PASK: variants seen among roughly 807,000 people sequenced by gnomAD.
PASK encodes the protein PAS domain-containing serine/threonine-protein kinase.
A neutral mutation model predicts 121.0 loss-of-function variants in PASK; 110 were observed. The observed-to-expected ratio is 0.91, with a 90% CI of 0.78 to 1.06. PASK has a LOEUF of 1.06. Ranked by LOEUF, PASK falls within the 50% of genes least tolerant of loss-of-function variation. PASK has a pLI of 0.00. For synonymous variants in PASK, 686 were observed against 717.8 expected, an observed-to-expected ratio of 0.96 and a Z score of 0.71; for missense variants, 1,643 against 1,702.3, an observed-to-expected ratio of 0.97 and a Z score of 0.61.
At chr2:241,138,180 C>A in intron 5 of PASK, 93 bp from the exon 6 acceptor site, 2 of 1,336,830 alleles carry the variant, frequency 1.5e-6, no homozygotes, top group Non-Finnish European at 2.1e-6. Flanking sequence ...AAAAGCAAGA[C>A]CCCAACATGA....
chr2:241,112,556 G>T lies in PASK; in HGVS notation c.3334-117C>A. Reference sequence around the variant, plus strand: ...AAAAAATAAACCTCCGACTCATAATGAACTGGGGACAGGAAAGATTTTTCA... The same window carrying T: ...AAAAAATAAACCTCCGACTCATAATTAACTGGGGACAGGAAAGATTTTTCA... On this transcript the variant is annotated intron_variant, in intron 14 of 17. Coordinates refer to ENST00000234040, the MANE Select transcript of PASK (RefSeq NM_015148.4). This position sits in a 1 kb window ranked among gnomAD's most constrained non-coding sequence, Gnocchi z 5.2. The T allele has an allele frequency of 1.5e-6, 1 of 671,772 alleles. No individual in the cohort carries two copies. 41.6% of individuals were successfully genotyped at this position (671,772 alleles called of 1,614,324 possible).
upstream of PASK, chr2:241,149,797 G>A (rs2067198893): frequency 3.3e-6 from 5 of 1,534,354 alleles, no homozygotes; most frequent in Middle Eastern, 2.2e-4. Context: ...TGGCTCCGCA[G>A]GGTAGACGAA....
upstream of PASK, chr2:241,150,210 G>A: frequency 1.6e-6 from 2 of 1,276,430 alleles, no homozygotes; most frequent in African/African-American, 1.5e-5. Flanking sequence ...TCTGCCTGCA[G>A]CTACGGCTCT....
intron 15 of PASK, among the ~76,000 whole-genome samples, chr2:241,110,151 C>A (rs1252862834): frequency 6.6e-6 from 1 of 152,248 alleles, no homozygotes; most frequent in Admixed American, 6.5e-5. Flanking sequence ...GCACAGGCCA[C>A]AACATGGATG....
chr2:241,107,585 C>T lies in PASK; in HGVS notation c.3668-86G>A, dbSNP rs565897518. 1.9e-3 allele frequency: 2,501 copies of T among 1,315,754 alleles called. 8 individuals are homozygous for T. Among genetic ancestry groups the T allele is most frequent in the Non-Finnish European group, 2.4e-3 (2,156 of 915,494 alleles). 81.5% of individuals were successfully genotyped at this position (1,315,754 alleles called of 1,614,324 possible). A position where few individuals can be genotyped will look rare whatever the true frequency, so the allele number is the denominator to read the frequency against. ...GATTCCTGGGTGCTCACCACCCCCC[C>T]GCAGAGCCTCTGACTGGGCAGGTGG... On this transcript the variant is annotated intron_variant, in intron 16 of 17. Coordinates refer to ENST00000234040, the MANE Select transcript of PASK (RefSeq NM_015148.4).
chr2:241,147,743 A>T (rs1475340976), intron 1 of PASK, among the ~76,000 whole-genome samples: 1 of 140,354 alleles, frequency 7.1e-6, no homozygotes, highest in Non-Finnish European at 1.7e-5. Flanking sequence ...AGGGAGGGTA[A>T]GGGCATGCAA....
Position 241,135,881 on chromosome 2 carries a change from C to G in PASK, c.1296G>C (p.Glu432Asp). Reference sequence around the variant, plus strand: ...AAGAGGACGTCTTACCCTGGCCCCCCTCAGCTGGGTCCTGGCCCTGCCACG... The same window carrying G: ...AAGAGGACGTCTTACCCTGGCCCCCGTCAGCTGGGTCCTGGCCCTGCCACG... Reference protein sequence around the residue: ...LDPWQGQDPAEGGQDPRINVV... With the variant: ...LDPWQGQDPADGGQDPRINVV... The change falls in exon 8 of 18, where the codon GAG becomes GAC. Residue 432 changes from glutamate (E) to aspartate (D), a missense_variant. Transcript: ENST00000234040. The G allele has an allele frequency of 6.2e-7, 1 of 1,614,118 alleles. No individual in the cohort carries two copies. Among genetic ancestry groups the G allele is most frequent in the Non-Finnish European group, 8.5e-7 (1 of 1,179,966 alleles).
intron 10 of PASK, among the ~76,000 whole-genome samples, chr2:241,125,286 A>C (rs1259498728): frequency 2.7e-5 from 4 of 146,200 alleles, no homozygotes; most frequent in African/African-American, 5.1e-5. Flanking sequence ...GGGTGGACAG[A>C]GTAAGACTCT....
At chr2:241,138,238 A>C (rs370604211) in intron 5 of PASK, 151 bp from the exon 6 acceptor site, 3 of 796,394 alleles carry the variant, frequency 3.8e-6, no homozygotes, top group Non-Finnish European at 6.2e-6. Context: ...ATTTGATAAG[A>C]GCTTCATCAT....
chr2:241,141,846 C>T (rs2066710156), intron 2 of PASK, among the ~76,000 whole-genome samples: 2 of 152,108 alleles, frequency 1.3e-5, no homozygotes, highest in East Asian at 3.9e-4. Context: ...GGCTGGAAAC[C>T]ACGTGGCCAT....
intron 10 of PASK, among the ~76,000 whole-genome samples, chr2:241,124,576 C>T (rs1056143699): frequency 3.3e-5 from 5 of 152,232 alleles, no homozygotes; most frequent in South Asian, 2.1e-4. Context: ...TACACATGTA[C>T]CTACTCTACT....
intron 1 of PASK, 107 bp from the exon 2 acceptor site, chr2:241,143,181 A>G (rs2066792152): frequency 1.4e-6 from 1 of 698,100 alleles, no homozygotes; most frequent in South Asian, 1.6e-5. Flanking sequence ...AAAGACATAC[A>G]CCACCAACCG....
At chr2:241,114,952 A>G (rs772844985) in intron 14 of PASK, 91 bp downstream of exon 14, 2 of 1,604,264 alleles carry the variant, frequency 1.2e-6, no homozygotes, top group African/African-American at 2.7e-5. Context: ...GCTCAGAGAG[A>G]GAACCGAGTA....
intron 12 of PASK, among the ~76,000 whole-genome samples, chr2:241,120,492 C>CAAAAAAAAA (rs568145375): frequency 0.018 from 2,523 of 139,890 alleles, 107 homozygotes; most frequent in Non-Finnish European, 0.029. Context: ...GACTCTGTCT[C>CAAAAAAAAA]AAAAGAAAAA....
chr2:241,132,547 AAAAAAAAG>A (rs2066210650), intron 9 of PASK, among the ~76,000 whole-genome samples: 2 of 150,898 alleles, frequency 1.3e-5, no homozygotes, highest in Admixed American at 1.3e-4. Flanking sequence ...AAAAAAAAAA[AAAAAAAAG>A]AAAATGATAA....
intron 1 of PASK, among the ~76,000 whole-genome samples, chr2:241,147,535 C>T (rs1448718404): frequency 1.3e-5 from 2 of 152,082 alleles, no homozygotes; most frequent in African/African-American, 4.8e-5. Context: ...GTGGGAGAAT[C>T]GCTTCAGCCC....
At chr2:241,149,998 C>T, upstream of PASK, 3 of 1,410,214 alleles carry the variant, frequency 2.1e-6, no homozygotes, top group South Asian at 1.5e-5. Context: ...AATGTTGTTG[C>T]TCTTGCCGTT....
At chr2:241,142,752 G>A (rs1399536543) in intron 2 of PASK, 85 bp downstream of exon 2, 3 of 1,058,098 alleles carry the variant, frequency 2.8e-6, no homozygotes, top group Non-Finnish European at 4.3e-6. Flanking sequence ...TTCAATCCCT[G>A]GTGAGAGGGT....
intron 2 of PASK, 33 bp from the exon 3 acceptor site, chr2:241,140,786 TC>T (rs1437383280): frequency 7.0e-7 from 1 of 1,431,350 alleles, no homozygotes; most frequent in African/African-American, 1.4e-5. Flanking sequence ...GCTTTAGACT[TC>T]ACACAGCTGC....
Sources: allele counts gnomAD v4.1 joint callset (sites outside exome capture counted in the v4.1 genomes callset), GRCh38; gene constraint gnomAD v4.1.1; non-coding constraint Gnocchi (gnomAD v3.1); transcripts MANE v1.5; gene names NCBI Gene and HGNC (gene_info 2026-07-23, HGNC 2026-07-21).